The following ASIC2 variants were observed in gnomAD, a reference collection of about 807,000 sequenced individuals.
ASIC2 encodes the protein acid-sensing ion channel 2.
Under a neutral mutation model 57.3 loss-of-function variants are expected in ASIC2, and 25 were observed. The observed-to-expected ratio is 0.44, with a 90% CI of 0.32 to 0.61. ASIC2 has a LOEUF of 0.61. Among genes scored for constraint, ASIC2 ranks in the 20% least tolerant of loss-of-function variants. The pLI, the probability that ASIC2 is intolerant of heterozygous loss-of-function variation, is 0.06. For synonymous variants in ASIC2, 319 were observed against 307.5 expected, an observed-to-expected ratio of 1.04 and a Z score of -0.39; for missense variants, 641 against 738.1, an observed-to-expected ratio of 0.87 and a Z score of 1.52.
chr17:33,802,645 G>T (rs746415177), intron 1 of ASIC2, among the ~76,000 whole-genome samples: 17 of 152,192 alleles, frequency 1.1e-4, no homozygotes, highest in Non-Finnish European at 2.5e-4. Flanking sequence ...CTCAATATTT[G>T]CTTTCTTCCT....
chr17:33,744,833 A>G (rs946851281), intron 1 of ASIC2, among the ~76,000 whole-genome samples: 3 of 152,236 alleles, frequency 2.0e-5, no homozygotes, highest in Admixed American at 1.3e-4. Flanking sequence ...CAAATGGAAT[A>G]TATCCAAAAA....
intron 1 of ASIC2, among the ~76,000 whole-genome samples, chr17:33,422,128 C>T (rs779688192): frequency 1.5e-4 from 23 of 152,224 alleles, no homozygotes; most frequent in African/African-American, 5.1e-4. Context: ...GAAAATCACT[C>T]GCTTCCTGAG....
chr17:33,475,644 A>G lies in ASIC2; in HGVS notation c.556-363577T>C, dbSNP rs529837870. On this transcript the variant is annotated intron_variant, in intron 1 of 9. Transcript: ENST00000359872. ...TTTAAGAAGAGTGGCTTTCACTGAA[A>G]TTTCATAAGAACCCAAAATTGCAGT... Among the ~76,000 whole-genome samples, 3 of 152,306 alleles carry G rather than the reference A, an allele frequency of 2.0e-5. No homozygotes were observed. In the East Asian group the frequency reaches 5.8e-4, roughly 29 times the overall value.
At chr17:33,689,351 CG>C (rs1908294748) in intron 1 of ASIC2, among the ~76,000 whole-genome samples, 1 of 152,126 alleles carries the variant, frequency 6.6e-6, no homozygotes, top group Admixed American at 6.5e-5. Flanking sequence ...ATTACTGGCA[CG>C]GGCCACAGCA....
intron 7 of ASIC2, 57 bp downstream of exon 7, chr17:33,021,162 T>TTGCCCCC: frequency 1.4e-6 from 1 of 694,010 alleles, no homozygotes; most frequent in Non-Finnish European, 2.6e-6. Flanking sequence ...CTGTGCATCC[T>TTGCCCCC]CCCTCCCTCC....
chr17:33,169,316 T>C (rs574751916), intron 1 of ASIC2, among the ~76,000 whole-genome samples: 1 of 152,354 alleles, frequency 6.6e-6, no homozygotes, highest in East Asian at 1.9e-4. Flanking sequence ...ACCTCTGCTG[T>C]GTCTCTTTCC....
chr17:33,491,627 G>A (rs577103862), intron 1 of ASIC2, among the ~76,000 whole-genome samples: 63 of 152,190 alleles, frequency 4.1e-4, no homozygotes, highest in Non-Finnish European at 7.4e-4. Flanking sequence ...TTTGGACCCT[G>A]GAAGAAGCCT....
At chr17:33,976,959 A>G (rs376580946) in intron 1 of ASIC2, among the ~76,000 whole-genome samples, 9 of 152,152 alleles carry the variant, frequency 5.9e-5, no homozygotes, top group African/African-American at 1.9e-4. Context: ...TCATCAACTT[A>G]TAATTTAACC....
At chr17:33,177,346 T>C (rs1222102887) in intron 1 of ASIC2, among the ~76,000 whole-genome samples, 1 of 152,132 alleles carries the variant, frequency 6.6e-6, no homozygotes, top group Non-Finnish European at 1.5e-5. Context: ...AAGATAGCAG[T>C]TACAATGAGC....
intron 1 of ASIC2, among the ~76,000 whole-genome samples, chr17:33,198,795 C>T (rs756586297): frequency 6.6e-6 from 1 of 152,228 alleles, no homozygotes; most frequent in African/African-American, 2.4e-5. Flanking sequence ...ATGTCACCAT[C>T]CCAGCTAGGG....
intron 1 of ASIC2, among the ~76,000 whole-genome samples, chr17:33,847,811 G>C (rs188115972): frequency 6.6e-6 from 1 of 152,322 alleles, no homozygotes; most frequent in East Asian, 1.9e-4. Context: ...CCCAGTGGAG[G>C]GGAGCCTGGG....
chr17:33,856,913 C>A (rs1028199577), intron 1 of ASIC2, among the ~76,000 whole-genome samples: 6 of 151,976 alleles, frequency 3.9e-5, no homozygotes, highest in Admixed American at 3.9e-4. Flanking sequence ...TGTGGGTGAC[C>A]TACTGAGGAG....
At chr17:33,869,309 G>A (rs753222032) in intron 1 of ASIC2, among the ~76,000 whole-genome samples, 1 of 152,120 alleles carries the variant, frequency 6.6e-6, no homozygotes, top group Non-Finnish European at 1.5e-5. Context: ...TACACTGCTG[G>A]TGGGAACGTA....
chr17:34,081,242 A>AT (rs146449532), intron 1 of ASIC2, among the ~76,000 whole-genome samples: 13 of 152,258 alleles, frequency 8.5e-5, no homozygotes, highest in African/African-American at 2.4e-4. Flanking sequence ...TCCACATGGG[A>AT]TTTTGGCACA....
chr17:33,490,366 T>C (rs1013304339), intron 1 of ASIC2, among the ~76,000 whole-genome samples: 10 of 152,266 alleles, frequency 6.6e-5, no homozygotes, highest in Non-Finnish European at 1.2e-4. Context: ...CTCATCACTT[T>C]CCATGTGGTC....
At chr17:33,854,732 C>A (rs1329006398) in intron 1 of ASIC2, among the ~76,000 whole-genome samples, 2 of 152,108 alleles carry the variant, frequency 1.3e-5, no homozygotes, top group African/African-American at 2.4e-5. Context: ...GTGTGCACAG[C>A]TGAGTCAGCT....
intron 1 of ASIC2, among the ~76,000 whole-genome samples, chr17:33,708,618 ACCTC>A: frequency 6.6e-6 from 1 of 152,120 alleles, no homozygotes; most frequent in South Asian, 2.1e-4. Context: ...TGTGGCTACT[ACCTC>A]TGTTCTCTAT....
intron 1 of ASIC2, among the ~76,000 whole-genome samples, chr17:34,109,929 C>T (rs983178634): frequency 5.3e-5 from 8 of 150,456 alleles, no homozygotes; most frequent in Admixed American, 1.3e-4. Flanking sequence ...TAGGTATATG[C>T]GTGTGTGTGT....
chr17:33,758,559 C>G (rs1311339943), intron 1 of ASIC2, among the ~76,000 whole-genome samples: 2 of 152,068 alleles, frequency 1.3e-5, no homozygotes, highest in African/African-American at 4.8e-5. Flanking sequence ...GGGCCTTTAA[C>G]AGGTGATTGA....
Sources: allele counts gnomAD v4.1 joint callset (sites outside exome capture counted in the v4.1 genomes callset), GRCh38; gene constraint gnomAD v4.1.1; transcripts MANE v1.5; gene names NCBI Gene and HGNC (gene_info 2026-07-23, HGNC 2026-07-21).